LIPI: variants seen among roughly 807,000 people sequenced by gnomAD.
The protein encoded by LIPI is lipase I.
LIPI carries 59 observed loss-of-function variants against 50.6 expected under a neutral mutation model. That is an observed-to-expected ratio of 1.16 (90% CI 0.94 to 1.45). The LOEUF (loss-of-function observed/expected upper bound fraction) is 1.45. LIPI is among the 40% of genes most tolerant of loss of function. The pLI is 0.00. For missense variants in LIPI, 586 were observed against 536.3 expected, an observed-to-expected ratio of 1.09 and a Z score of -0.92; for synonymous variants, 203 against 178.2, an observed-to-expected ratio of 1.14 and a Z score of -1.11.
At chr21:14,198,282 A>G in intron 1 of LIPI, among the ~76,000 whole-genome samples, 1 of 152,158 alleles carries the variant, frequency 6.6e-6, no homozygotes, top group East Asian at 1.9e-4. Flanking sequence ...CTAACCTTAA[A>G]TGTCAATGGG....
intron 4 of LIPI, among the ~76,000 whole-genome samples, chr21:14,170,235 C>T (rs557795120): frequency 9.2e-5 from 14 of 152,200 alleles, no homozygotes; most frequent in Admixed American, 2.0e-4. Context: ...GCTTACCAAC[C>T]AAAAAGAGTC....
At chr21:14,168,108 G>A (rs533694440) in intron 4 of LIPI, among the ~76,000 whole-genome samples, 1 of 152,230 alleles carries the variant, frequency 6.6e-6, no homozygotes, top group Admixed American at 6.5e-5. Flanking sequence ...TGGAAGAAAG[G>A]GTATCAGTGA....
chr21:14,133,236 G>A (rs149878617), intron 9 of LIPI, among the ~76,000 whole-genome samples: 22 of 152,132 alleles, frequency 1.4e-4, no homozygotes, highest in African/African-American at 4.8e-4. Flanking sequence ...GAAGAAAATA[G>A]ATGCAAAAAA....
In LIPI at chr21:14,163,472, C is replaced by A; in HGVS notation, c.953G>T (p.Arg318Ile). The part of the protein sequence containing the change: ...KGVLKERMEG[R>I]PLRTTVFLDT... ...CAAAAACACAGTGGTCCTAAGAGGT[C>A]TTCCTTCCATCCTTTCTTTTAAAAC... The change falls in exon 7 of 10, where the codon AGA becomes ATA. Residue 318 changes from arginine (R) to isoleucine (I), a missense_variant. Transcript: ENST00000681601. 1 of 1,591,730 alleles carries A rather than the reference C, an allele frequency of 6.3e-7. No individual in the cohort carries two copies. Among genetic ancestry groups the A allele is most frequent in the South Asian group, 1.1e-5 (1 of 90,596 alleles).
intron 1 of LIPI, among the ~76,000 whole-genome samples, chr21:14,194,483 G>A (rs415127): frequency 0.18 from 26,819 of 151,970 alleles, 2,833 homozygotes; most frequent in South Asian, 0.29. Flanking sequence ...AGGTGAAATT[G>A]ACACATACTA....
At chr21:14,111,072 A>T (rs2123291617) in intron 9 of LIPI, among the ~76,000 whole-genome samples, 2 of 151,870 alleles carry the variant, frequency 1.3e-5, no homozygotes, top group Non-Finnish European at 1.5e-5. Flanking sequence ...TCTCTTCAAC[A>T]TACTGATTTC....
intron 3 of LIPI, 151 bp from the exon 4 acceptor site, chr21:14,182,010 G>T (rs1600909418): frequency 1.5e-6 from 1 of 656,420 alleles, no homozygotes; most frequent in Non-Finnish European, 2.8e-6. Flanking sequence ...AAATGGAAGT[G>T]AATGAATAGC....
At chr21:14,176,909 G>C (rs1036304621) in intron 4 of LIPI, among the ~76,000 whole-genome samples, 2 of 151,702 alleles carry the variant, frequency 1.3e-5, no homozygotes, top group Non-Finnish European at 2.9e-5. Context: ...ATTTACATTA[G>C]GTATATCGAA....
At chr21:14,135,415 A>G (rs760524602) in intron 9 of LIPI, among the ~76,000 whole-genome samples, 7 of 152,172 alleles carry the variant, frequency 4.6e-5, no homozygotes, top group Admixed American at 3.9e-4. Flanking sequence ...GGAGATAGAA[A>G]AATCAGCTCT....
intron 9 of LIPI, among the ~76,000 whole-genome samples, chr21:14,139,304 G>A (rs2017617857): frequency 6.6e-6 from 1 of 152,004 alleles, no homozygotes; most frequent in Non-Finnish European, 1.5e-5. Context: ...GAAACAAGAT[G>A]GCAATTTCAG....
chr21:14,194,109 T>C lies in LIPI; in HGVS notation c.47-4690A>G, dbSNP rs145044448. ...ATAATGAGATGCCACTTCCTACCTA[T>C]TATGATACTTGCTAAAAACACACAC... On this transcript the variant is annotated intron_variant, in intron 1 of 9. Transcript: ENST00000681601. Among the ~76,000 whole-genome samples the C allele has an allele frequency of 3.1e-3, 466 of 152,206 alleles. 2 individuals are homozygous for C. The highest frequency in any genetic ancestry group is 0.011 in the African/African-American group (450 of 41,524).
At chr21:14,193,707 C>G (rs555554000) in intron 1 of LIPI, among the ~76,000 whole-genome samples, 3 of 151,658 alleles carry the variant, frequency 2.0e-5, no homozygotes, top group Non-Finnish European at 2.9e-5. Context: ...ACATTCATAC[C>G]TTGGATTTGG....
At chr21:14,201,600 G>A (rs370220266) in intron 1 of LIPI, among the ~76,000 whole-genome samples, 3 of 152,122 alleles carry the variant, frequency 2.0e-5, no homozygotes, top group East Asian at 3.9e-4. Flanking sequence ...GATTATCTCA[G>A]TAGATGCAGA....
intron 9 of LIPI, among the ~76,000 whole-genome samples, chr21:14,119,933 C>T (rs2155969): frequency 0.65 from 99,315 of 151,952 alleles, 32,835 homozygotes; most frequent in East Asian, 0.94. Context: ...GTCACCCTGA[C>T]GGAACAGAGA....
chr21:14,139,299 A>C (rs2017617523), intron 9 of LIPI, among the ~76,000 whole-genome samples: 1 of 152,172 alleles, frequency 6.6e-6, no homozygotes, highest in Non-Finnish European at 1.5e-5. Context: ...TTGGTGAAAC[A>C]AGATGGCAAT....
intron 7 of LIPI, among the ~76,000 whole-genome samples, chr21:14,162,658 C>A (rs1017930169): frequency 1.3e-5 from 2 of 151,790 alleles, no homozygotes; most frequent in Admixed American, 6.6e-5. Context: ...TGGACAGCCC[C>A]AATTCTGTTT....
intron 1 of LIPI, among the ~76,000 whole-genome samples, chr21:14,207,951 C>T (rs1025260483): frequency 2.0e-5 from 3 of 152,156 alleles, no homozygotes; most frequent in African/African-American, 7.2e-5. Context: ...CACAAGATGA[C>T]ATGCCACCAG....
intron 9 of LIPI, among the ~76,000 whole-genome samples, chr21:14,109,571 T>G (rs1303071617): frequency 6.6e-6 from 1 of 152,060 alleles, no homozygotes; most frequent in African/African-American, 2.4e-5. Flanking sequence ...ATTTCAAGCT[T>G]TCCAAGAAGC....
chr21:14,172,624 C>A (rs1470446112), intron 4 of LIPI, among the ~76,000 whole-genome samples: 1 of 151,708 alleles, frequency 6.6e-6, no homozygotes, highest in East Asian at 1.9e-4. Flanking sequence ...GAACAAAAAA[C>A]CAAACACCGC....
Sources: gnomAD v4.1 joint callset for allele counts (sites outside exome capture counted in the v4.1 genomes callset) on GRCh38, gnomAD v4.1.1 for gene constraint, MANE v1.5 for transcripts, NCBI Gene and HGNC (gene_info 2026-07-23, HGNC 2026-07-21) for gene names.